The following RLF variants were observed in gnomAD, a reference collection of about 807,000 sequenced individuals.
The protein encoded by RLF is RLF zinc finger, also known as zinc finger protein Rlf.
RLF carries 7 observed loss-of-function variants against 162.9 expected under a neutral mutation model. The ratio of observed to expected loss-of-function variants is 0.04; its 90% CI spans 0.02 to 0.08. The LOEUF (loss-of-function observed/expected upper bound fraction) is 0.08, where lower values mean the gene tolerates loss of function less well. Ranked by LOEUF, RLF falls within the 10% of genes least tolerant of loss-of-function variation. The pLI is 1.00. For synonymous variants in RLF, 782 were observed against 791.5 expected (o/e 0.99, Z 0.20); for missense variants, 1,664 against 2,244.7 (o/e 0.74, Z 5.23).
At chr1:40,162,577 A>G (rs1570506286) in intron 1 of RLF, among the ~76,000 whole-genome samples, 1 of 152,222 alleles carries the variant, frequency 6.6e-6, no homozygotes, top group African/African-American at 2.4e-5. Flanking sequence ...TTGGAGTCTA[A>G]TAAGTAGTCC....
At chr1:40,177,323 T>G (rs1246375938) in intron 1 of RLF, among the ~76,000 whole-genome samples, 1 of 150,536 alleles carries the variant, frequency 6.6e-6, no homozygotes, top group Non-Finnish European at 1.5e-5. Context: ...GGAGTCTTGC[T>G]CTGTCACCCA....
At position 40,211,632 on chromosome 1, in the gene RLF, TTTC is replaced by T. The variant is rs1475610230; in HGVS notation, c.810+9021_810+9023del. Among the ~76,000 whole-genome samples the T allele has an allele frequency of 8.5e-5, 13 of 152,256 alleles. 1 individual carries two copies. The highest frequency in any genetic ancestry group is 3.9e-4 in the East Asian group (2 of 5,172). On this transcript the variant is annotated intron_variant, in intron 5 of 7. Transcript: ENST00000372771. ...AGTCAGTCTTTTTTTTTCCTTTCTT[TTTC>T]TTTGAGATGGTGTTTCACTCTTGTT... is the stretch of plus-strand genomic sequence containing the variant.
At chr1:40,234,977 T>A (rs1333485715) in intron 7 of RLF, among the ~76,000 whole-genome samples, 1 of 152,144 alleles carries the variant, frequency 6.6e-6, no homozygotes, top group Non-Finnish European at 1.5e-5. Flanking sequence ...ATTACCAGAT[T>A]CTTTCAGGAG....
Position 40,238,835 on chromosome 1 carries a change from C to G in RLF, c.4133C>G (p.Ala1378Gly). 6.2e-7 allele frequency: 1 copy of G among 1,614,034 alleles called. No homozygotes were observed. The highest frequency in any genetic ancestry group is 8.5e-7 in the Non-Finnish European group (1 of 1,179,952). Residue 1378 changes from alanine to glycine, a missense_variant, in exon 8 of 8, where the codon GCT (alanine) becomes GGT (glycine). This residue lies in a region of RLF where 200 missense variants were observed against 207.3 expected (regional missense o/e 0.96). Coordinates refer to ENST00000372771, the MANE Select transcript of RLF (RefSeq NM_012421.4). This position sits in a 1 kb window ranked among gnomAD's most constrained non-coding sequence, Gnocchi z 5.2. Reference sequence around the variant, plus strand: ...AATAAACGCTTCCTGTGTTCCAAAGCTCTTGCTAAGCACTGTAGTGATTCT... The same window carrying G: ...AATAAACGCTTCCTGTGTTCCAAAGGTCTTGCTAAGCACTGTAGTGATTCT... ...ECNKRFLCSKALAKHCSDSHN... is the reference protein window; with the variant it reads ...ECNKRFLCSKGLAKHCSDSHN...
chr1:40,186,149 CTT>C (rs57761696), intron 1 of RLF, among the ~76,000 whole-genome samples: 7,863 of 151,766 alleles, frequency 0.052, 588 homozygotes, highest in African/African-American at 0.17. Context: ...CAGAGTGAGA[CTT>C]GATTAAAAAA....
intron 1 of RLF, among the ~76,000 whole-genome samples, chr1:40,173,989 T>C (rs1642281105): frequency 6.6e-6 from 1 of 152,226 alleles, no homozygotes; most frequent in South Asian, 2.1e-4. Flanking sequence ...TATTGATCTC[T>C]TATAATCAAT....
At chr1:40,198,523 A>G (rs1642669262) in intron 4 of RLF, among the ~76,000 whole-genome samples, 1 of 151,334 alleles carries the variant, frequency 6.6e-6, no homozygotes, top group Admixed American at 6.6e-5. Context: ...CTGGTCTCGA[A>G]CTCCTGACCG....
intron 5 of RLF, among the ~76,000 whole-genome samples, chr1:40,214,944 AACT>A (rs1642906676): frequency 6.8e-6 from 1 of 147,828 alleles, no homozygotes; most frequent in Non-Finnish European, 1.5e-5. Flanking sequence ...AAAAAAAAAA[AACT>A]AAAGTATGAG....
chr1:40,206,137 AC>A lies in RLF; in HGVS notation c.810+3524del, dbSNP rs57865841. ...TACTTACAGATTTAACATGTCCGTA[AC>A]TAAGCTCTTGATATTCCTGATATTT... is the stretch of plus-strand genomic sequence containing the variant. On this transcript the variant is annotated intron_variant, in intron 5 of 7. Coordinates refer to ENST00000372771, the MANE Select transcript of RLF (RefSeq NM_012421.4). Among the ~76,000 whole-genome samples the A allele has an allele frequency of 2.1e-3, 327 of 152,292 alleles. 2 individuals are homozygous for A. Among genetic ancestry groups the A allele is most frequent in the African/African-American group, 7.5e-3 (312 of 41,572 alleles).
intron 1 of RLF, among the ~76,000 whole-genome samples, chr1:40,175,369 G>A (rs1438209700): frequency 6.6e-6 from 1 of 152,032 alleles, no homozygotes; most frequent in Non-Finnish European, 1.5e-5. Flanking sequence ...TTCTCATTCT[G>A]GCCAGGCACG....
At chr1:40,184,139 T>G (rs982802014) in intron 1 of RLF, among the ~76,000 whole-genome samples, 13 of 152,170 alleles carry the variant, frequency 8.5e-5, no homozygotes, top group Non-Finnish European at 1.8e-4. Flanking sequence ...AAAGAAAATT[T>G]GAGAAGTTTA....
intron 4 of RLF, among the ~76,000 whole-genome samples, chr1:40,200,192 T>C (rs1296377511): frequency 1.3e-5 from 2 of 152,152 alleles, no homozygotes; most frequent in African/African-American, 4.8e-5. Context: ...ATCTCCAGAG[T>C]TGGAGCTCTG....
chr1:40,236,902 C>G lies in RLF; in HGVS notation c.2200C>G (p.Gln734Glu). 1 of 1,614,180 alleles carries G rather than the reference C, an allele frequency of 6.2e-7. No homozygotes were observed. The highest frequency in any genetic ancestry group is 8.5e-7 in the Non-Finnish European group (1 of 1,180,022). Reference sequence around the variant, plus strand: ...TGCTTTTCACCTTCGAGAGCACGAACAAGTGCATTGTGGGCCTCAGCCTTA... The same window carrying G: ...TGCTTTTCACCTTCGAGAGCACGAAGAAGTGCATTGTGGGCCTCAGCCTTA... ...MSAFHLREHEQVHCGPQPYMC... is the reference protein window; with the variant it reads ...MSAFHLREHEEVHCGPQPYMC... Residue 734 changes from glutamine to glutamate, a missense_variant, in exon 8 of 8, where the codon CAA becomes GAA. By Grantham distance (29) the Gln-to-Glu change is conservative (BLOSUM62 2). Coordinates refer to ENST00000372771, the MANE Select transcript of RLF (RefSeq NM_012421.4). This position sits in a 1 kb window ranked among gnomAD's most constrained non-coding sequence, Gnocchi z 7.7.
Position 40,199,616 on chromosome 1 carries a change from C to T in RLF, c.608-2796C>T, listed in dbSNP as rs140557749. Among the ~76,000 whole-genome samples, 3 of 152,194 alleles carry T rather than the reference C, an allele frequency of 2.0e-5. No individual in the cohort carries two copies. The East Asian group carries it at 5.8e-4, about 29-fold the overall frequency. On this transcript the variant is annotated intron_variant, in intron 4 of 7. Coordinates refer to ENST00000372771, the MANE Select transcript of RLF (RefSeq NM_012421.4). ...ACTATAATCCCTTATCACTGTTCTT[C>T]GAGAAAACTAAATGTGGGGAAAGAA...
chr1:40,221,082 G>A (rs61778542), intron 5 of RLF, among the ~76,000 whole-genome samples: 7,893 of 151,826 alleles, frequency 0.052, 603 homozygotes, highest in African/African-American at 0.17. Context: ...TCAGTGAGCC[G>A]TGATTACCCT....
At chr1:40,229,077 G>T (rs1643119187) in intron 6 of RLF, among the ~76,000 whole-genome samples, 1 of 152,100 alleles carries the variant, frequency 6.6e-6, no homozygotes, top group Admixed American at 6.5e-5. Flanking sequence ...GAACCACCAT[G>T]CCCAGCCCTG....
intron 6 of RLF, among the ~76,000 whole-genome samples, chr1:40,228,770 G>A (rs1643114044): frequency 6.6e-6 from 1 of 152,044 alleles, no homozygotes; most frequent in Admixed American, 6.6e-5. Context: ...ATAGGCATGA[G>A]CCTCTGTGCC....
chr1:40,237,477 A>G lies in RLF; in HGVS notation c.2775A>G (p.Val925=), dbSNP rs775287081. Residue 925 remains valine (V), a synonymous_variant, in exon 8 of 8, where the codon GTA becomes GTG. Coordinates refer to ENST00000372771, the MANE Select transcript of RLF (RefSeq NM_012421.4). This position sits in a 1 kb window ranked among gnomAD's most constrained non-coding sequence, Gnocchi z 4.4. ...ATCACTCTGAAACTATGCAGGATGTATTGTTATCTAATGAGAAAGTCTTTG... is the reference window on the plus strand; with the variant it reads ...ATCACTCTGAAACTATGCAGGATGTGTTGTTATCTAATGAGAAAGTCTTTG... ...TLDHSETMQD[V]LLSNEKVFGP... is the part of the protein sequence containing the mutation. 1 of 1,614,104 alleles carries G rather than the reference A, an allele frequency of 6.2e-7. No homozygotes were observed. Among genetic ancestry groups the G allele is most frequent in the East Asian group, 2.2e-5 (1 of 44,880 alleles).
chr1:40,180,899 G>T (rs1642397655), intron 1 of RLF, among the ~76,000 whole-genome samples: 1 of 152,148 alleles, frequency 6.6e-6, no homozygotes, highest in Admixed American at 6.5e-5. Flanking sequence ...TTTTGATGAA[G>T]TCCAGTTTAT....
Sources: allele counts gnomAD v4.1 joint callset (sites outside exome capture counted in the v4.1 genomes callset), GRCh38; gene constraint gnomAD v4.1.1; regional missense constraint gnomAD v4.1.1; non-coding constraint Gnocchi (gnomAD v3.1); transcripts MANE v1.5; gene names NCBI Gene and HGNC (gene_info 2026-07-23, HGNC 2026-07-21).